The following CLYBL variants were observed in gnomAD, a reference collection of about 807,000 sequenced individuals.
The protein encoded by CLYBL is citramalyl-CoA lyase, mitochondrial.
A neutral mutation model predicts 38.9 loss-of-function variants in CLYBL; 31 were observed. The observed-to-expected ratio is 0.80, with a 90% CI of 0.60 to 1.08. CLYBL has a LOEUF of 1.08. Ranked by LOEUF, CLYBL falls within the 50% of genes least tolerant of loss-of-function variation. The probability of loss-of-function intolerance (pLI) is 0.00; values close to 1 mark genes in which losing one functional copy is unlikely to be tolerated. For synonymous variants in CLYBL, 171 were observed against 158.6 expected (o/e 1.08, Z -0.59); for missense variants, 434 against 411.6 (o/e 1.05, Z -0.47).
At chr13:99,667,851 A>G (rs2139352589) in intron 1 of CLYBL, among the ~76,000 whole-genome samples, 1 of 152,340 alleles carries the variant, frequency 6.6e-6, no homozygotes, top group South Asian at 2.1e-4. Context: ...TTTGGAACAA[A>G]AGGATAGATG....
At chr13:99,699,409 C>T (rs193207781) in intron 1 of CLYBL, among the ~76,000 whole-genome samples, 169 of 151,426 alleles carry the variant, frequency 1.1e-3, no homozygotes, top group African/African-American at 4.0e-3. Flanking sequence ...TAAATAAAAA[C>T]GTGGCTGGGC....
intron 2 of CLYBL, among the ~76,000 whole-genome samples, chr13:99,836,039 G>C (rs1028295154): frequency 2.6e-5 from 4 of 152,180 alleles, no homozygotes; most frequent in African/African-American, 9.7e-5. Context: ...GAGAGTTCGG[G>C]ATGAGGCAAT....
At chr13:99,841,181 C>T (rs1443739496) in intron 2 of CLYBL, among the ~76,000 whole-genome samples, 2 of 152,098 alleles carry the variant, frequency 1.3e-5, no homozygotes, top group Non-Finnish European at 2.9e-5. Context: ...CTAGGCCTAC[C>T]TGGATTCCTG....
chr13:99,607,318 A>C (rs1383279675), intron 1 of CLYBL, among the ~76,000 whole-genome samples: 3 of 152,122 alleles, frequency 2.0e-5, no homozygotes, highest in Non-Finnish European at 4.4e-5. Context: ...AAAAAGTGAG[A>C]AGATTGGCTC....
At chr13:99,809,943 G>A (rs993774523) in intron 2 of CLYBL, among the ~76,000 whole-genome samples, 6 of 152,198 alleles carry the variant, frequency 3.9e-5, no homozygotes, top group South Asian at 2.1e-4. Flanking sequence ...CATCCATCCC[G>A]ACTAGCTCAA....
chr13:99,650,513 G>A (rs1566599318), intron 1 of CLYBL, among the ~76,000 whole-genome samples: 1 of 152,224 alleles, frequency 6.6e-6, no homozygotes, highest in African/African-American at 2.4e-5. Context: ...CAGGGTGACA[G>A]AAACTGTTGC....
At chr13:99,774,571 C>T (rs1431866755) in intron 2 of CLYBL, among the ~76,000 whole-genome samples, 2 of 152,088 alleles carry the variant, frequency 1.3e-5, no homozygotes, top group African/African-American at 4.8e-5. Flanking sequence ...GTTTCTTGCG[C>T]CAGGTGACCT....
intron 7 of CLYBL, among the ~76,000 whole-genome samples, chr13:99,889,575 C>T (rs1332804429): frequency 6.6e-6 from 1 of 152,112 alleles, no homozygotes; most frequent in East Asian, 1.9e-4. Flanking sequence ...ACTTACAGTA[C>T]AGGAATTTAG....
At chr13:99,623,815 C>T (rs559087170) in intron 1 of CLYBL, among the ~76,000 whole-genome samples, 1 of 151,838 alleles carries the variant, frequency 6.6e-6, no homozygotes, top group Non-Finnish European at 1.5e-5. Flanking sequence ...AAAAATTAGC[C>T]GGGCATGGTG....
chr13:99,741,658 G>A (rs750524838), intron 1 of CLYBL, among the ~76,000 whole-genome samples: 2 of 152,224 alleles, frequency 1.3e-5, no homozygotes, highest in Non-Finnish European at 2.9e-5. Flanking sequence ...AGTATTTGTA[G>A]TAGAGACGGG....
chr13:99,658,272 T>G (rs1409368519), intron 1 of CLYBL, among the ~76,000 whole-genome samples: 1 of 152,204 alleles, frequency 6.6e-6, no homozygotes, highest in Non-Finnish European at 1.5e-5. Flanking sequence ...GGGTGAATAG[T>G]GTGGGAGCTC....
chr13:99,698,166 A>G (rs1023193175), intron 1 of CLYBL, among the ~76,000 whole-genome samples: 3 of 150,484 alleles, frequency 2.0e-5, no homozygotes, highest in Non-Finnish European at 2.9e-5. Flanking sequence ...ACGTTTTGCC[A>G]TGCTGGAGTT....
chr13:99,900,551 A>C (rs1289382160), downstream of CLYBL, among the ~76,000 whole-genome samples: 1 of 152,116 alleles, frequency 6.6e-6, no homozygotes, highest in Non-Finnish European at 1.5e-5. Flanking sequence ...CCACATAGAA[A>C]AAATGCAATG....
chr13:99,644,763 G>T, intron 1 of CLYBL, among the ~76,000 whole-genome samples: 1 of 152,188 alleles, frequency 6.6e-6, no homozygotes, highest in Non-Finnish European at 1.5e-5. Context: ...AGTGAGAACA[G>T]TTGAAGTTTG....
chr13:99,819,995 G>A (rs912505104), intron 2 of CLYBL, among the ~76,000 whole-genome samples: 3 of 152,146 alleles, frequency 2.0e-5, no homozygotes, highest in African/African-American at 7.2e-5. Flanking sequence ...CTATAAAGTT[G>A]GACATTTGCA....
intron 2 of CLYBL, among the ~76,000 whole-genome samples, chr13:99,796,531 A>G (rs893248091): frequency 6.6e-6 from 1 of 152,202 alleles, no homozygotes; most frequent in Non-Finnish European, 1.5e-5. Flanking sequence ...TCTATGAAAG[A>G]GGTGCTATTA....
chr13:99,853,902 G>A (rs1414977035), intron 2 of CLYBL, among the ~76,000 whole-genome samples: 1 of 152,062 alleles, frequency 6.6e-6, no homozygotes, highest in Non-Finnish European at 1.5e-5. Flanking sequence ...GATGCTCCTG[G>A]GGCCTTCTGC....
intron 1 of CLYBL, among the ~76,000 whole-genome samples, chr13:99,722,104 T>C (rs1349474345): frequency 6.6e-6 from 1 of 152,240 alleles, no homozygotes; most frequent in Non-Finnish European, 1.5e-5. Context: ...TTTTCAGAGC[T>C]CAAGCCAGAC....
intron 1 of CLYBL, among the ~76,000 whole-genome samples, chr13:99,656,761 A>G (rs953642220): frequency 6.6e-6 from 1 of 152,226 alleles, no homozygotes; most frequent in African/African-American, 2.4e-5. Flanking sequence ...GGTAAATTGT[A>G]AGATACTTAA....
Sources: allele counts gnomAD v4.1 joint callset (sites outside exome capture counted in the v4.1 genomes callset), GRCh38; gene constraint gnomAD v4.1.1; transcripts MANE v1.5; gene names NCBI Gene and HGNC (gene_info 2026-07-23, HGNC 2026-07-21).